Variants in SNX24 observed in about 807,000 individuals in gnomAD.
The protein encoded by SNX24 is sorting nexin-24.
A neutral mutation model predicts 28.7 loss-of-function variants in SNX24; 22 were observed. That is an observed-to-expected ratio of 0.77 (90% CI 0.55 to 1.10). The LOEUF (loss-of-function observed/expected upper bound fraction) is 1.10. Ranked by LOEUF, SNX24 falls within the 50% of genes least tolerant of loss-of-function variation. SNX24 has a pLI of 0.00. For synonymous variants in SNX24, 69 were observed against 71.5 expected (o/e 0.96, Z 0.18); for missense variants, 221 against 201.1 (o/e 1.10, Z -0.60).
At chr5:122,936,184 C>T (rs1205371019) in intron 1 of SNX24, among the ~76,000 whole-genome samples, 1 of 152,124 alleles carries the variant, frequency 6.6e-6, no homozygotes, top group East Asian at 1.9e-4. Context: ...GAAAATGAGC[C>T]TTTACTACAT....
intron 3 of SNX24, among the ~76,000 whole-genome samples, chr5:122,971,912 T>C (rs1188866541): frequency 6.6e-6 from 1 of 152,152 alleles, no homozygotes; most frequent in Non-Finnish European, 1.5e-5. Context: ...CAAACCTTCA[T>C]TCCTGAAGGG....
intron 2 of SNX24, among the ~76,000 whole-genome samples, chr5:122,942,977 G>C (rs1269588669): frequency 6.6e-6 from 1 of 152,100 alleles, no homozygotes; most frequent in Non-Finnish European, 1.5e-5. Context: ...ACATATAATA[G>C]AGTTGATTTT....
At chr5:122,957,155 C>T (rs949315197) in intron 3 of SNX24, among the ~76,000 whole-genome samples, 2 of 152,126 alleles carry the variant, frequency 1.3e-5, no homozygotes, top group East Asian at 3.9e-4. Context: ...TTAGGTCTTA[C>T]ATTTAGGCTC....
At chr5:123,026,428 C>G (rs760778755) in intron 5 of SNX24, among the ~76,000 whole-genome samples, 6 of 152,158 alleles carry the variant, frequency 3.9e-5, no homozygotes, top group Non-Finnish European at 8.8e-5. Flanking sequence ...CCAGGATGCA[C>G]CAAGCATTCA....
chr5:122,864,976 A>G (rs1279337080), intron 1 of SNX24, among the ~76,000 whole-genome samples: 1 of 152,246 alleles, frequency 6.6e-6, no homozygotes, highest in Non-Finnish European at 1.5e-5. Flanking sequence ...TGCACTCAGG[A>G]ATGAACAAGG....
chr5:122,900,075 A>C (rs1448276666), intron 1 of SNX24, among the ~76,000 whole-genome samples: 1 of 151,532 alleles, frequency 6.6e-6, no homozygotes, highest in Non-Finnish European at 1.5e-5. Flanking sequence ...GCTGGAGTGC[A>C]GTGGCGTGGT....
chr5:122,905,135 A>T (rs573802682), intron 1 of SNX24, among the ~76,000 whole-genome samples: 1 of 151,826 alleles, frequency 6.6e-6, no homozygotes, highest in African/African-American at 2.4e-5. Flanking sequence ...AAACAAGACT[A>T]AATAGGCATA....
chr5:122,870,905 C>G (rs551304589), intron 1 of SNX24, among the ~76,000 whole-genome samples: 3 of 152,270 alleles, frequency 2.0e-5, no homozygotes, highest in African/African-American at 7.2e-5. Flanking sequence ...TGGTGCACGT[C>G]GTTGTCTGCT....
intron 2 of SNX24, 50 bp from the exon 3 acceptor site, chr5:122,946,005 G>C (rs201255153): frequency 1.0e-6 from 1 of 959,958 alleles, no homozygotes; most frequent in Non-Finnish European, 1.5e-6. Context: ...ATAATTAACA[G>C]ACATCTCTGT....
chr5:122,896,919 T>C lies in SNX24; in HGVS notation c.61-39815T>C, dbSNP rs549403515. 2.0e-5 allele frequency among the ~76,000 whole-genome samples: 3 copies of C among 152,356 alleles called. No individual in the cohort carries two copies. The East Asian group carries it at 5.8e-4, about 29-fold the overall frequency. On this transcript the variant is annotated intron_variant, in intron 1 of 6. Coordinates refer to ENST00000261369, the MANE Select transcript of SNX24 (RefSeq NM_014035.4). ...ACTCTAACCACCAAACATAAATGCT[T>C]ATGGCTTTTGGAAAATGTGAACTGA...
At chr5:122,883,245 A>T (rs1471489949) in intron 1 of SNX24, among the ~76,000 whole-genome samples, 1 of 152,196 alleles carries the variant, frequency 6.6e-6, no homozygotes, top group Non-Finnish European at 1.5e-5. Flanking sequence ...TGACTCCAAG[A>T]AAGGTTGAGA....
intron 1 of SNX24, among the ~76,000 whole-genome samples, chr5:122,931,023 C>T (rs1262100425): frequency 6.6e-6 from 1 of 152,156 alleles, no homozygotes; most frequent in Non-Finnish European, 1.5e-5. Context: ...CTATCTGCAA[C>T]ATTAAGTGAG....
chr5:122,848,000 C>A (rs66479752), intron 1 of SNX24, among the ~76,000 whole-genome samples: 113,546 of 152,046 alleles, frequency 0.75, 43,545 homozygotes, highest in East Asian at 0.99. Flanking sequence ...TTAAAAAAAA[C>A]CCCAGAATTT....
chr5:122,889,727 GTA>G (rs34634244), intron 1 of SNX24, among the ~76,000 whole-genome samples: 101,608 of 143,386 alleles, frequency 0.71, 36,139 homozygotes, highest in East Asian at 0.98. Context: ...ATATGTATGT[GTA>G]TATATATATA....
intron 5 of SNX24, chr5:123,028,660 G>C: frequency 1.3e-6 from 1 of 769,728 alleles, no homozygotes; most frequent in Non-Finnish European, 2.1e-6. Flanking sequence ...AAGAGGTACA[G>C]TCGTCTTTAC....
chr5:122,867,098 G>A (rs1404800282), intron 1 of SNX24, among the ~76,000 whole-genome samples: 1 of 152,164 alleles, frequency 6.6e-6, no homozygotes, highest in African/African-American at 2.4e-5. Flanking sequence ...ATAGCCTTGG[G>A]AAGAAACTTG....
intron 3 of SNX24, among the ~76,000 whole-genome samples, chr5:122,952,845 G>T (rs1464744306): frequency 1.3e-5 from 2 of 152,126 alleles, no homozygotes; most frequent in Non-Finnish European, 2.9e-5. Flanking sequence ...TTCAGTAGAT[G>T]CTCTCTCTAG....
chr5:122,917,370 C>CT (rs1758224987), intron 1 of SNX24, among the ~76,000 whole-genome samples: 1 of 152,148 alleles, frequency 6.6e-6, no homozygotes, highest in African/African-American at 2.4e-5. Context: ...GGAAAATACT[C>CT]TATCTCATTT....
intron 3 of SNX24, among the ~76,000 whole-genome samples, chr5:122,957,462 T>C (rs1213796014): frequency 6.6e-6 from 1 of 152,240 alleles, no homozygotes; most frequent in African/African-American, 2.4e-5. Context: ...GTCTTCCAGC[T>C]ATGTTTTTCT....
Sources: allele counts gnomAD v4.1 joint callset (sites outside exome capture counted in the v4.1 genomes callset), GRCh38; gene constraint gnomAD v4.1.1; transcripts MANE v1.5; gene names NCBI Gene and HGNC (gene_info 2026-07-23, HGNC 2026-07-21).